The following NRG3 variants were observed in gnomAD, a reference collection of about 807,000 sequenced individuals.
The protein encoded by NRG3 is pro-neuregulin-3, membrane-bound isoform.
NRG3 carries 31 observed loss-of-function variants against 66.9 expected under a neutral mutation model. That is an observed-to-expected ratio of 0.46 (90% CI 0.35 to 0.63). The LOEUF (loss-of-function observed/expected upper bound fraction) is 0.63. NRG3 is among the 20% of genes least tolerant of loss of function. The pLI, the probability that NRG3 is intolerant of heterozygous loss-of-function variation, is 0.00. For synonymous variants in NRG3, 393 were observed against 359.4 expected (o/e 1.09, Z -1.06); for missense variants, 910 against 878.9 (o/e 1.04, Z -0.45).
At chr10:82,112,303 T>C (rs2067433301) in intron 1 of NRG3, among the ~76,000 whole-genome samples, 1 of 152,098 alleles carries the variant, frequency 6.6e-6, no homozygotes, top group Non-Finnish European at 1.5e-5. Context: ...CGCTTATTAT[T>C]ATTTTTTTAT....
At chr10:82,020,593 T>A (rs951668411) in intron 1 of NRG3, among the ~76,000 whole-genome samples, 1 of 152,106 alleles carries the variant, frequency 6.6e-6, no homozygotes, top group Non-Finnish European at 1.5e-5. Context: ...TTCAAAGACT[T>A]TCATAATCCT....
chr10:82,403,222 A>C (rs749894579), intron 2 of NRG3, among the ~76,000 whole-genome samples: 9 of 151,952 alleles, frequency 5.9e-5, no homozygotes, highest in Non-Finnish European at 1.2e-4. Context: ...CTCAGTGAAC[A>C]CTCTATTCAT....
intron 1 of NRG3, among the ~76,000 whole-genome samples, chr10:81,947,164 C>A (rs1848919449): frequency 6.6e-6 from 1 of 152,096 alleles, no homozygotes; most frequent in Admixed American, 6.6e-5. Flanking sequence ...GTCTTGGTCT[C>A]TGTCTATTCG....
chr10:82,351,597 A>G (rs1369471028), intron 1 of NRG3, among the ~76,000 whole-genome samples: 1 of 152,204 alleles, frequency 6.6e-6, no homozygotes, highest in African/African-American at 2.4e-5. Context: ...AGATCCATCT[A>G]CAAATGGCCA....
At chr10:82,665,709 G>A (rs2052717762) in intron 2 of NRG3, among the ~76,000 whole-genome samples, 1 of 151,956 alleles carries the variant, frequency 6.6e-6, no homozygotes, top group Non-Finnish European at 1.5e-5. Flanking sequence ...GAACTTCAGT[G>A]CACCTCCACA....
intron 1 of NRG3, among the ~76,000 whole-genome samples, chr10:82,067,427 C>T (rs1038661500): frequency 1.3e-5 from 2 of 152,188 alleles, no homozygotes; most frequent in Non-Finnish European, 2.9e-5. Flanking sequence ...TTGCCCACTG[C>T]AACCTTCTCT....
intron 3 of NRG3, among the ~76,000 whole-genome samples, chr10:82,745,386 C>A (rs1471204896): frequency 3.9e-5 from 6 of 152,186 alleles, no homozygotes; most frequent in Non-Finnish European, 7.3e-5. Flanking sequence ...CTAATTATCA[C>A]TTTCCCCTGG....
intron 1 of NRG3, among the ~76,000 whole-genome samples, chr10:82,078,960 T>A (rs1383190571): frequency 6.6e-6 from 1 of 152,242 alleles, no homozygotes; most frequent in East Asian, 1.9e-4. Context: ...GGTGCACTCA[T>A]CAAATTTTTA....
At chr10:82,655,736 A>G (rs1264455937) in intron 2 of NRG3, among the ~76,000 whole-genome samples, 1 of 152,232 alleles carries the variant, frequency 6.6e-6, no homozygotes, top group Non-Finnish European at 1.5e-5. Context: ...AAAGCTCATC[A>G]CTAAGAACTA....
At chr10:82,976,108 T>G (rs1316489717) in intron 7 of NRG3, among the ~76,000 whole-genome samples, 1 of 152,116 alleles carries the variant, frequency 6.6e-6, no homozygotes. Context: ...CAGGCTGGAG[T>G]GCAGTGGTGT....
intron 1 of NRG3, among the ~76,000 whole-genome samples, chr10:82,355,900 T>C (rs1460392218): frequency 6.6e-6 from 1 of 152,246 alleles, no homozygotes; most frequent in East Asian, 1.9e-4. Context: ...TATTATTGTT[T>C]ATTATATTGT....
chr10:82,263,095 T>A (rs138765691), intron 1 of NRG3, among the ~76,000 whole-genome samples: 1 of 152,292 alleles, frequency 6.6e-6, no homozygotes, highest in East Asian at 1.9e-4. Context: ...GTTTGTCTTG[T>A]TAATGTCTGT....
chr10:82,040,908 T>G (rs1365425156), intron 1 of NRG3, among the ~76,000 whole-genome samples: 2 of 152,094 alleles, frequency 1.3e-5, no homozygotes, highest in African/African-American at 4.8e-5. Context: ...AGTGGAAACA[T>G]AGGGAAACAT....
chr10:82,245,454 G>A (rs1265806523), intron 1 of NRG3, among the ~76,000 whole-genome samples: 1 of 152,160 alleles, frequency 6.6e-6, no homozygotes, highest in East Asian at 1.9e-4. Flanking sequence ...CAAGGGTTAG[G>A]GACCCCTGAT....
intron 1 of NRG3, among the ~76,000 whole-genome samples, chr10:82,001,727 CA>C (rs1472133488): frequency 6.6e-6 from 1 of 151,874 alleles, no homozygotes; most frequent in Non-Finnish European, 1.5e-5. Context: ...TTCCTGATTT[CA>C]AAAAAAGTTA....
intron 1 of NRG3, among the ~76,000 whole-genome samples, chr10:81,887,950 T>C (rs1386125292): frequency 6.6e-6 from 1 of 152,176 alleles, no homozygotes; most frequent in Non-Finnish European, 1.5e-5. Flanking sequence ...GTAACTTCTA[T>C]ACTTTTGATT....
At chr10:82,811,655 C>T (rs758310602) in intron 3 of NRG3, among the ~76,000 whole-genome samples, 20 of 152,176 alleles carry the variant, frequency 1.3e-4, no homozygotes, top group Non-Finnish European at 2.8e-4. Flanking sequence ...ACAGTAAAAG[C>T]AATGATCTCT....
intron 1 of NRG3, among the ~76,000 whole-genome samples, chr10:81,931,609 A>C (rs1283871786): frequency 6.6e-6 from 1 of 152,068 alleles, no homozygotes; most frequent in Non-Finnish European, 1.5e-5. Context: ...CTATACCTTG[A>C]GATTTATCAC....
At chr10:82,656,814 A>T (rs911407639) in intron 2 of NRG3, among the ~76,000 whole-genome samples, 1 of 152,132 alleles carries the variant, frequency 6.6e-6, no homozygotes, top group African/African-American at 2.4e-5. Flanking sequence ...TATCTATTTT[A>T]TAACAACCCC....
Sources: gnomAD v4.1 joint callset for allele counts (sites outside exome capture counted in the v4.1 genomes callset) on GRCh38, gnomAD v4.1.1 for gene constraint, MANE v1.5 for transcripts, NCBI Gene and HGNC (gene_info 2026-07-23, HGNC 2026-07-21) for gene names.